SLC7A9: variants seen among roughly 807,000 people sequenced by gnomAD.
The protein encoded by SLC7A9 is B(0,+)-type amino acid transporter 1.
A neutral mutation model predicts 54.1 loss-of-function variants in SLC7A9; 38 were observed. The observed-to-expected ratio is 0.70, with a 90% CI of 0.54 to 0.92. SLC7A9 has a LOEUF of 0.92. Among genes scored for constraint, SLC7A9 ranks in the 40% least tolerant of loss-of-function variants. SLC7A9 has a pLI of 0.00. For synonymous variants in SLC7A9, 264 were observed against 258.9 expected (o/e 1.02, Z -0.19); for missense variants, 537 against 636.1 (o/e 0.84, Z 1.68).
chr19:32,836,344 C>T (rs1303930961), intron 11 of SLC7A9, among the ~76,000 whole-genome samples: 5 of 152,168 alleles, frequency 3.3e-5, no homozygotes, highest in East Asian at 1.9e-4. Flanking sequence ...CCACTGCGCC[C>T]GGCCAGAATT....
intron 9 of SLC7A9, among the ~76,000 whole-genome samples, chr19:32,854,103 C>T (rs1289862928): frequency 6.6e-6 from 1 of 151,552 alleles, no homozygotes; most frequent in African/African-American, 2.4e-5. Flanking sequence ...GCCTCGACCT[C>T]CTGGGCTCAC....
intron 11 of SLC7A9, among the ~76,000 whole-genome samples, chr19:32,841,465 C>A (rs566059667): frequency 3.9e-5 from 6 of 152,210 alleles, no homozygotes; most frequent in Non-Finnish European, 8.8e-5. Context: ...GTGGCTCACA[C>A]CTGTAATCCC....
At chr19:32,845,468 C>A (rs1281550240) in intron 9 of SLC7A9, among the ~76,000 whole-genome samples, 2 of 152,104 alleles carry the variant, frequency 1.3e-5, no homozygotes, top group African/African-American at 4.8e-5. Flanking sequence ...GCACTCCAGA[C>A]TCCAGCCTGA....
intron 4 of SLC7A9, chr19:32,863,179 T>C (rs1226111585): frequency 6.6e-6 from 1 of 152,634 alleles, no homozygotes; most frequent in Non-Finnish European, 1.5e-5. Flanking sequence ...TGGCACAGTC[T>C]CAGCTAAATG....
intron 9 of SLC7A9, among the ~76,000 whole-genome samples, chr19:32,855,763 C>T (rs975110962): frequency 1.3e-5 from 2 of 152,006 alleles, no homozygotes; most frequent in African/African-American, 4.8e-5. Flanking sequence ...CAGTACTGCA[C>T]GTACCCCTGT....
At chr19:32,866,974 G>A (rs909153953) in intron 2 of SLC7A9, among the ~76,000 whole-genome samples, 5 of 152,178 alleles carry the variant, frequency 3.3e-5, no homozygotes, top group Non-Finnish European at 7.4e-5. Flanking sequence ...CCAACTGCCT[G>A]GGACTGGCGC....
Position 32,842,191 on chromosome 19 carries a change from T to C in SLC7A9, c.1201A>G (p.Lys401Glu), listed in dbSNP as rs760264924. ...ACCTTGATAGGCCTTTCCAGCTCTT[T>C]CCTTGTAAATCTCATCACGATGAGT... is the stretch of plus-strand genomic sequence containing the variant. ...LGLIVMRFTR[K>E]ELERPIKVPV... The change falls in exon 11 of 13, where the codon AAA (lysine) becomes GAA (glutamate). Residue 401 changes from lysine (K) to glutamate (E), a missense_variant. Physicochemically the swap from Lys to Glu is moderately conservative, Grantham distance 56. Transcript: ENST00000023064. 5 of 1,614,058 alleles carry C rather than the reference T, an allele frequency of 3.1e-6. No homozygotes were observed. The East Asian group carries it at 8.9e-5, about 29-fold the overall frequency.
chr19:32,831,885 G>A (rs1289774373), intron 12 of SLC7A9, among the ~76,000 whole-genome samples: 1 of 152,246 alleles, frequency 6.6e-6, no homozygotes, highest in Non-Finnish European at 1.5e-5. Context: ...GTTTCAGGAT[G>A]AGACGCATGA....
intron 6 of SLC7A9, 101 bp from the exon 7 acceptor site, chr19:32,860,751 G>C (rs921726894): frequency 2.7e-6 from 4 of 1,499,410 alleles, no homozygotes; most frequent in African/African-American, 2.8e-5. Context: ...TTCTCTACCA[G>C]AGAAAAAAAT....
intron 9 of SLC7A9, among the ~76,000 whole-genome samples, chr19:32,854,341 A>G (rs756998512): frequency 2.6e-5 from 4 of 152,040 alleles, no homozygotes; most frequent in Non-Finnish European, 5.9e-5. Context: ...TTAAGACAGC[A>G]GAGTCTTCCC....
At chr19:32,864,553 G>A in intron 3 of SLC7A9, 76 bp downstream of exon 3, 1 of 1,586,804 alleles carries the variant, frequency 6.3e-7, no homozygotes, top group Non-Finnish European at 8.6e-7. Context: ...GCAGGGTGAG[G>A]GCTGGCACAG....
intron 11 of SLC7A9, among the ~76,000 whole-genome samples, chr19:32,835,764 A>G (rs964657342): frequency 6.6e-5 from 10 of 151,524 alleles, no homozygotes; most frequent in African/African-American, 2.4e-4. Context: ...GGAGTTGTCT[A>G]TTTAATTTGT....
chr19:32,832,357 T>TG (rs1157648011), intron 12 of SLC7A9, among the ~76,000 whole-genome samples: 1 of 149,966 alleles, frequency 6.7e-6, no homozygotes, highest in Non-Finnish European at 1.5e-5. Context: ...GAGGCCGAGG[T>TG]GGGTGGATCA....
At chr19:32,852,991 G>A (rs1038035638) in intron 9 of SLC7A9, among the ~76,000 whole-genome samples, 1 of 143,190 alleles carries the variant, frequency 7.0e-6, no homozygotes, top group African/African-American at 2.6e-5. Flanking sequence ...TCGGCTCACT[G>A]CAACCTCCGT....
chr19:32,866,325 G>A (rs1472307741), intron 2 of SLC7A9, among the ~76,000 whole-genome samples: 1 of 152,132 alleles, frequency 6.6e-6, no homozygotes, highest in Non-Finnish European at 1.5e-5. Flanking sequence ...TGGCAGTTTG[G>A]CTCCAGAATC....
intron 10 of SLC7A9, 120 bp downstream of exon 10, chr19:32,843,735 A>AT (rs1264508443): frequency 1.4e-6 from 1 of 732,650 alleles, no homozygotes; most frequent in Non-Finnish European, 2.5e-6. Context: ...GACTCTTTCT[A>AT]TATCTGTTTC....
chr19:32,862,455 G>A lies in SLC7A9; in HGVS notation c.604+6C>T. 2 of 1,612,712 alleles carry A rather than the reference G, an allele frequency of 1.2e-6. No homozygotes were observed. The highest frequency in any genetic ancestry group is 1.7e-6 in the Non-Finnish European group (2 of 1,180,012). ...CCCGTGCAGGGCCCACCCTCCCGTGGGTCACCTTGGGCCAGGAGCACCAGC... is the reference window on the plus strand; with the variant it reads ...CCCGTGCAGGGCCCACCCTCCCGTGAGTCACCTTGGGCCAGGAGCACCAGC... On this transcript the variant is annotated splice_donor_region_variant and intron_variant, in intron 5 of 12. Coordinates refer to ENST00000023064, the MANE Select transcript of SLC7A9 (RefSeq NM_014270.5).
In SLC7A9 at chr19:32,864,598, G is replaced by A. The variant is rs377418038; in HGVS notation, c.235+31C>T. 1.2e-4 allele frequency: 193 copies of A among 1,610,172 alleles called. No homozygotes were observed. The African/African-American group carries it at 2.2e-3, about 18-fold the overall frequency. Reference sequence around the variant, plus strand: ...GCCTGGCGTGCCCCTGCATGCTTCCGGGGCTGCAACAGGCTCCCAAGTCTC... The same window carrying A: ...GCCTGGCGTGCCCCTGCATGCTTCCAGGGCTGCAACAGGCTCCCAAGTCTC... On this transcript the variant is annotated intron_variant, in intron 3 of 12. Transcript: ENST00000023064.
rs1305248193 is a variant in SLC7A9, at chr19:32,842,215, G to C, written c.1177C>G (p.Leu393Val). The stretch of plus-strand genomic sequence containing the variant: ...TTCCTTGTAAATCTCATCACGATGA[G>C]TCCTAGAATCGTCAGGCCATAAAAC... ...WLFYGLTILG[L>V]IVMRFTRKEL... The change falls in exon 11 of 13, where the codon CTC becomes GTC. Residue 393 changes from leucine to valine, a missense_variant. Transcript: ENST00000023064. 2 of 1,613,970 alleles carry C rather than the reference G, an allele frequency of 1.2e-6. No homozygotes were observed. Among genetic ancestry groups the C allele is most frequent in the Non-Finnish European group, 1.7e-6 (2 of 1,180,002 alleles).
Sources: allele counts gnomAD v4.1 joint callset (sites outside exome capture counted in the v4.1 genomes callset), GRCh38; gene constraint gnomAD v4.1.1; transcripts MANE v1.5; gene names NCBI Gene and HGNC (gene_info 2026-07-23, HGNC 2026-07-21).